The following MGAT5B variants were observed in gnomAD, a reference collection of about 807,000 sequenced individuals.
The protein encoded by MGAT5B is N-acetylglucosaminyl-transferase Vb.
In MGAT5B, 54 loss-of-function variants were observed where a neutral mutation model predicts 95.1. The observed-to-expected ratio is 0.57, with a 90% CI of 0.46 to 0.71. The LOEUF is 0.71. Ranked by LOEUF, MGAT5B falls within the 30% of genes least tolerant of loss-of-function variation. MGAT5B has a pLI of 0.00. For missense variants in MGAT5B, 935 were observed against 1,088.6 expected (o/e 0.86, Z 1.99); for synonymous variants, 464 against 451.0 (o/e 1.03, Z -0.36).
At position 76,913,427 on chromosome 17, in the gene MGAT5B, G is replaced by A. The variant is rs189383934; in HGVS notation, c.1025+7240G>A. On this transcript the variant is annotated intron_variant, in intron 8 of 17. Coordinates refer to ENST00000569840, the MANE Select transcript of MGAT5B (RefSeq NM_001199172.2). ...GGGCAGCTCAAACCAGCTCCAGGGC[G>A]GAGGATGCTGCTCTTCTCTGAGGGG... Among the ~76,000 whole-genome samples, 83 of 152,342 alleles carry A rather than the reference G, an allele frequency of 5.4e-4. 1 individual carries two copies. The East Asian group carries it at 0.012, about 22-fold the overall frequency.
intron 8 of MGAT5B, among the ~76,000 whole-genome samples, chr17:76,907,612 T>C (rs1180686382): frequency 6.6e-6 from 1 of 152,254 alleles, no homozygotes; most frequent in African/African-American, 2.4e-5. Flanking sequence ...CAGTTTTTCC[T>C]GTCTGCGGAT....
At chr17:76,933,095 G>C (rs925010162) in intron 11 of MGAT5B, among the ~76,000 whole-genome samples, 197 bp from the exon 12 acceptor site, 6 of 152,228 alleles carry the variant, frequency 3.9e-5, no homozygotes, top group African/African-American at 9.6e-5. Flanking sequence ...TCGGTGGATG[G>C]GGGGGTGGTC....
At chr17:76,893,926 CT>C (rs2145163617) in intron 3 of MGAT5B, among the ~76,000 whole-genome samples, 1 of 152,292 alleles carries the variant, frequency 6.6e-6, no homozygotes, top group African/African-American at 2.4e-5. Context: ...GCATTCCTGC[CT>C]GTCTCAGAGC....
Position 76,926,649 on chromosome 17 carries a change from G to A in MGAT5B, c.1210G>A (p.Glu404Lys), listed in dbSNP as rs146542795. The A allele has an allele frequency of 6.3e-5, 102 of 1,612,552 alleles. No homozygotes were observed. The highest frequency in any genetic ancestry group is 8.1e-5 in the Non-Finnish European group (95 of 1,179,912). Residue 404 changes from glutamate (E) to lysine (K), a missense_variant, in exon 10 of 18, where the codon GAG becomes AAG. Transcript: ENST00000569840. ...CGGGACGGAACCTGCGTACAACCAC[G>A]AGGAGTACGCCACGCTGCACGGCTA... ...TFGTEPAYNHEEYATLHGYRT... is the reference protein window; with the variant it reads ...TFGTEPAYNHKEYATLHGYRT...
intron 1 of MGAT5B, chr17:76,872,500 G>A: frequency 1.6e-6 from 1 of 606,774 alleles, no homozygotes; most frequent in Non-Finnish European, 2.8e-6. Context: ...TTTCTAAGGA[G>A]TCTCAGGTGA....
chr17:76,883,581 C>T (rs909749291), intron 3 of MGAT5B, among the ~76,000 whole-genome samples: 1 of 152,096 alleles, frequency 6.6e-6, no homozygotes, highest in East Asian at 1.9e-4. Flanking sequence ...CCCAACTGGC[C>T]CCTAGAGGTG....
chr17:76,943,103 G>C (rs1482471621), intron 15 of MGAT5B, among the ~76,000 whole-genome samples: 1 of 152,130 alleles, frequency 6.6e-6, no homozygotes, highest in Non-Finnish European at 1.5e-5. Context: ...CGATAGTCGC[G>C]GGTATTTCTG....
rs1443312498 is a variant in MGAT5B at position 76,932,742 on chromosome 17, C to A, written c.1389C>A (p.Ala463=). The part of the protein sequence containing the change: ...LIKGGKASNM[A]VVYGKEASIW... ...AAGGCGGCAAGGCCAGCAACATGGC[C>A]GTGGTGTACGGCAAGGAGGCGAGCA... Residue 463 remains alanine (A), a synonymous_variant, in exon 11 of 18, where the codon GCC becomes GCA. Transcript: ENST00000569840. The A allele has an allele frequency of 3.1e-6, 5 of 1,613,714 alleles. No homozygotes were observed. Among genetic ancestry groups the A allele is most frequent in the Non-Finnish European group, 4.2e-6 (5 of 1,179,914 alleles).
At position 76,925,068 on chromosome 17, in the gene MGAT5B, G is replaced by A; in HGVS notation, c.1128G>A (p.Arg376=). ...TDYHGLQQMK[R]HMGLSFKKYR... The stretch of plus-strand genomic sequence containing the variant: ...ACCACGGCCTGCAGCAGATGAAGCG[G>A]CACATGGGACTCTCCTTCAAGAAGT... Residue 376 remains arginine, a synonymous_variant, in exon 9 of 18, where the codon CGG becomes CGA. Transcript: ENST00000569840. The A allele has an allele frequency of 6.2e-7, 1 of 1,611,408 alleles. No individual in the cohort carries two copies. The highest frequency in any genetic ancestry group is 8.5e-7 in the Non-Finnish European group (1 of 1,179,306).
intron 3 of MGAT5B, among the ~76,000 whole-genome samples, chr17:76,901,778 A>C (rs1272298517): frequency 1.3e-5 from 2 of 152,246 alleles, no homozygotes; most frequent in Admixed American, 1.3e-4. Context: ...CTTGGGAGGA[A>C]ATAGAGACAG....
chr17:76,899,773 C>A (rs1391442798), intron 3 of MGAT5B, among the ~76,000 whole-genome samples: 1 of 151,966 alleles, frequency 6.6e-6, no homozygotes, highest in African/African-American at 2.4e-5. Flanking sequence ...CAGAGCCTGG[C>A]AGACATCAAA....
chr17:76,911,050 G>A (rs1013523184), intron 8 of MGAT5B, among the ~76,000 whole-genome samples: 2 of 152,170 alleles, frequency 1.3e-5, no homozygotes, highest in Non-Finnish European at 2.9e-5. Flanking sequence ...ATTCAGGGTG[G>A]GGGTTCTTAA....
rs117224087 is a variant in MGAT5B, at chr17:76,901,331, A to G, written c.330-1224A>G. 2.0e-3 allele frequency among the ~76,000 whole-genome samples: 298 copies of G among 152,226 alleles called. 3 individuals are homozygous for G. In the East Asian group the frequency reaches 0.042, roughly 21 times the overall value. On this transcript the variant is annotated intron_variant, in intron 3 of 17. Coordinates refer to ENST00000569840, the MANE Select transcript of MGAT5B (RefSeq NM_001199172.2). ...AAAGACCAGTACCTTGTATAGGGATAAACGGAGCTTAAACTGGGCCTGCAA... is the reference window on the plus strand; with the variant it reads ...AAAGACCAGTACCTTGTATAGGGATGAACGGAGCTTAAACTGGGCCTGCAA...
rs1968761246 is a variant in MGAT5B, at chr17:76,912,167, C to T, written c.1025+5980C>T. Reference sequence around the variant, plus strand: ...AACTCCATTACCTCTGTAAGGACCCCAACTCCAAATAAGGTCATAGCCTGA... The same window carrying T: ...AACTCCATTACCTCTGTAAGGACCCTAACTCCAAATAAGGTCATAGCCTGA... On this transcript the variant is annotated intron_variant, in intron 8 of 17. Transcript: ENST00000569840. The surrounding 1 kb of genome is among the most constrained non-coding windows in gnomAD (Gnocchi z 5.0). Among the ~76,000 whole-genome samples the T allele has an allele frequency of 1.3e-5, 2 of 152,192 alleles. No individual in the cohort carries two copies. The highest frequency in any genetic ancestry group is 4.8e-5 in the African/African-American group (2 of 41,440).
chr17:76,898,921 C>T (rs1410148767), intron 3 of MGAT5B, among the ~76,000 whole-genome samples: 1 of 152,212 alleles, frequency 6.6e-6, no homozygotes, highest in East Asian at 1.9e-4. Context: ...AGGGCCCACG[C>T]TGGCCAGCAT....
chr17:76,948,619 G>A (rs767984684), intron 17 of MGAT5B, 21 bp from the exon 18 acceptor site: 28 of 1,602,466 alleles, frequency 1.7e-5, no homozygotes, highest in Non-Finnish European at 2.2e-5. Flanking sequence ...CTGAGTGACG[G>A]TGCTGTGTGG....
At chr17:76,888,671 C>T (rs1423224954) in intron 3 of MGAT5B, among the ~76,000 whole-genome samples, 2 of 152,088 alleles carry the variant, frequency 1.3e-5, no homozygotes, top group Admixed American at 6.6e-5. Context: ...GTGATTACCT[C>T]GTGGGGCAGG....
intron 1 of MGAT5B, among the ~76,000 whole-genome samples, chr17:76,871,763 C>T (rs2145108341): frequency 6.6e-6 from 1 of 152,260 alleles, no homozygotes; most frequent in South Asian, 2.1e-4. Context: ...TGGGGTTCCT[C>T]ACCCTGATCT....
intron 12 of MGAT5B, among the ~76,000 whole-genome samples, chr17:76,936,101 T>C (rs988564008): frequency 1.3e-4 from 20 of 151,582 alleles, no homozygotes; most frequent in Non-Finnish European, 2.9e-5. Flanking sequence ...CGCCTGGCCT[T>C]GTCTTTCTCT....
Sources: allele counts gnomAD v4.1 joint callset (sites outside exome capture counted in the v4.1 genomes callset), GRCh38; gene constraint gnomAD v4.1.1; non-coding constraint Gnocchi (gnomAD v3.1); transcripts MANE v1.5; gene names NCBI Gene and HGNC (gene_info 2026-07-23, HGNC 2026-07-21).